WDFY2: variants seen among roughly 807,000 people sequenced by gnomAD.
WDFY2 encodes the protein WD repeat and FYVE domain-containing protein 2.
WDFY2 carries 36 observed loss-of-function variants against 56.4 expected under a neutral mutation model. The ratio of observed to expected loss-of-function variants is 0.64; its 90% CI spans 0.49 to 0.84. WDFY2 has a LOEUF of 0.84. WDFY2 is among the 40% of genes least tolerant of loss of function. The pLI is 0.00. For synonymous variants in WDFY2, 176 were observed against 183.7 expected, an observed-to-expected ratio of 0.96 and a Z score of 0.34; for missense variants, 444 against 512.2, an observed-to-expected ratio of 0.87 and a Z score of 1.29.
At position 51,766,994 on chromosome 13, in the gene WDFY2, CG is replaced by C. The variant is rs1953770856; in HGVS notation, c.*7228del. 1.3e-5 allele frequency: 2 copies of C among 152,210 alleles called. No individual in the cohort carries two copies. Among genetic ancestry groups the C allele is most frequent in the African/African-American group, 4.8e-5 (2 of 41,458 alleles). The allele number at this position is 152,210 out of a possible 1,614,324, so 9.4% of individuals were successfully genotyped here. ...TTCACCACAGTCTAAGCACAGCACACGGGCTCAAGCCATGGAGCCCTTTTCC... is the reference window on the plus strand; with the variant it reads ...TTCACCACAGTCTAAGCACAGCACACGGCTCAAGCCATGGAGCCCTTTTCC... On this transcript the variant is annotated 3_prime_UTR_variant, in exon 12 of 12. Transcript: ENST00000298125.
At chr13:51,632,806 T>C (rs1954976764) in intron 1 of WDFY2, among the ~76,000 whole-genome samples, 1 of 152,232 alleles carries the variant, frequency 6.6e-6, no homozygotes, top group Admixed American at 6.5e-5. Flanking sequence ...TCACCTAAAA[T>C]ACTGGGTCTT....
rs547348217 is a variant in WDFY2 at position 51,764,096 on chromosome 13, T to C, written c.*4327T>C. On this transcript the variant is annotated 3_prime_UTR_variant, in exon 12 of 12. Coordinates refer to ENST00000298125, the MANE Select transcript of WDFY2 (RefSeq NM_052950.4). ...CGAAGACAGATATTTATTAACTTGA[T>C]TGGAAAACACAGAAATTAAGATCAT... 6.6e-6 allele frequency: 1 copy of C among 152,336 alleles called. No homozygotes were observed. The highest frequency in any genetic ancestry group is 2.4e-5 in the African/African-American group (1 of 41,578). The allele number at this position is 152,336 out of a possible 1,614,324, so 9.4% of individuals were successfully genotyped here. A position where few individuals can be genotyped will look rare whatever the true frequency, so the allele number is the denominator to read the frequency against.
intron 1 of WDFY2, 23 bp downstream of exon 1, chr13:51,584,847 C>G: frequency 6.2e-7 from 1 of 1,611,728 alleles, no homozygotes; most frequent in Non-Finnish European, 8.5e-7. Context: ...GCCATTCGGC[C>G]GCGAGGAGGG....
chr13:51,601,333 TAC>T (rs1954278003), intron 1 of WDFY2, among the ~76,000 whole-genome samples: 1 of 152,152 alleles, frequency 6.6e-6, no homozygotes, highest in Non-Finnish European at 1.5e-5. Flanking sequence ...TCTGAATATG[TAC>T]CATCGGCCAG....
At chr13:51,713,382 T>C (rs1353383450) in intron 4 of WDFY2, among the ~76,000 whole-genome samples, 4 of 152,144 alleles carry the variant, frequency 2.6e-5, no homozygotes, top group Non-Finnish European at 5.9e-5. Flanking sequence ...AGCAGATATA[T>C]GTACACCCAT....
intron 7 of WDFY2, among the ~76,000 whole-genome samples, chr13:51,748,606 AC>A (rs1953157380): frequency 6.6e-6 from 1 of 152,064 alleles, no homozygotes; most frequent in African/African-American, 2.4e-5. Flanking sequence ...ACACGTGAGT[AC>A]TCCTTGTTCT....
intron 1 of WDFY2, chr13:51,590,544 A>G (rs1382690226): frequency 6.6e-6 from 1 of 152,218 alleles, no homozygotes; most frequent in Non-Finnish European, 1.5e-5. Flanking sequence ...GTAGATTGTG[A>G]TTTAAGACTA....
intron 8 of WDFY2, among the ~76,000 whole-genome samples, chr13:51,751,776 A>G (rs1953243315): frequency 6.6e-6 from 1 of 152,228 alleles, no homozygotes; most frequent in African/African-American, 2.4e-5. Flanking sequence ...GGAAGAAAAT[A>G]GTGGCTAAGA....
intron 1 of WDFY2, among the ~76,000 whole-genome samples, chr13:51,611,789 C>A (rs564328673): frequency 6.6e-6 from 1 of 152,100 alleles, no homozygotes; most frequent in Non-Finnish European, 1.5e-5. Flanking sequence ...GTCTGCTGGT[C>A]ATAAGGAAGG....
intron 7 of WDFY2, among the ~76,000 whole-genome samples, chr13:51,745,871 C>T (rs1953086690): frequency 6.6e-6 from 1 of 150,984 alleles, no homozygotes; most frequent in African/African-American, 2.4e-5. Flanking sequence ...TCCAGAGCCA[C>T]ACAGTATTCA....
rs192095223 is a variant in WDFY2 at position 51,590,064 on chromosome 13, C to T, written c.137+5240C>T. ...AGAGGAGGATTAGCTTCAAGTGATC[C>T]CAGAGCTCCTGACAGTTCTGAATTT... On this transcript the variant is annotated intron_variant, in intron 1 of 11. Coordinates refer to ENST00000298125, the MANE Select transcript of WDFY2 (RefSeq NM_052950.4). The T allele has an allele frequency of 2.6e-5, 4 of 152,178 alleles. No homozygotes were observed. In the East Asian group the frequency reaches 7.7e-4, roughly 29 times the overall value. 9.4% of individuals were successfully genotyped at this position (152,178 alleles called of 1,614,324 possible). A position where few individuals can be genotyped will look rare whatever the true frequency, so the allele number is the denominator to read the frequency against.
At chr13:51,620,418 G>A (rs1593888352) in intron 1 of WDFY2, among the ~76,000 whole-genome samples, 1 of 151,942 alleles carries the variant, frequency 6.6e-6, no homozygotes, top group East Asian at 1.9e-4. Context: ...GGCCATGCCT[G>A]GTGGTGCTCT....
chr13:51,755,543 G>T, intron 9 of WDFY2, 84 bp downstream of exon 9: 1 of 1,321,986 alleles, frequency 7.6e-7, no homozygotes, highest in East Asian at 2.4e-5. Context: ...ACACCCCTGG[G>T]TGGGAGTTGT....
intron 3 of WDFY2, among the ~76,000 whole-genome samples, chr13:51,697,729 C>T (rs996048164): frequency 2.0e-5 from 3 of 151,906 alleles, no homozygotes; most frequent in African/African-American, 7.3e-5. Context: ...TTAAAATTCA[C>T]TGTTTCAAAA....
At chr13:51,721,483 T>G (rs1952489343) in intron 5 of WDFY2, among the ~76,000 whole-genome samples, 1 of 152,174 alleles carries the variant, frequency 6.6e-6, no homozygotes, top group South Asian at 2.1e-4. Context: ...GTCTTTGATG[T>G]AGGATTATAA....
chr13:51,617,983 G>A (rs1954652896), intron 1 of WDFY2, among the ~76,000 whole-genome samples: 1 of 152,104 alleles, frequency 6.6e-6, no homozygotes, highest in African/African-American at 2.4e-5. Context: ...CAGCAGCCTT[G>A]GTCTAACTAT....
intron 1 of WDFY2, among the ~76,000 whole-genome samples, chr13:51,609,011 ATGT>A (rs1330934074): frequency 3.3e-5 from 5 of 152,200 alleles, no homozygotes; most frequent in East Asian, 3.9e-4. Flanking sequence ...TGCTACTTGA[ATGT>A]TGTTGTGTGT....
chr13:51,707,592 A>G (rs1952111083), intron 4 of WDFY2, among the ~76,000 whole-genome samples: 1 of 152,214 alleles, frequency 6.6e-6, no homozygotes, highest in Non-Finnish European at 1.5e-5. Context: ...TCATTCATAG[A>G]CCTTCACTAA....
At chr13:51,731,397 T>C (rs1952720567) in intron 6 of WDFY2, among the ~76,000 whole-genome samples, 1 of 152,250 alleles carries the variant, frequency 6.6e-6, no homozygotes, top group African/African-American at 2.4e-5. Flanking sequence ...ACCTTGGCAT[T>C]GTGTCTTATC....
Sources: allele counts gnomAD v4.1 joint callset (sites outside exome capture counted in the v4.1 genomes callset), GRCh38; gene constraint gnomAD v4.1.1; transcripts MANE v1.5; gene names NCBI Gene and HGNC (gene_info 2026-07-23, HGNC 2026-07-21).